RASGEF1B: variants seen among roughly 807,000 people sequenced by gnomAD.
The protein encoded by RASGEF1B is RasGEF domain family member 1B.
A neutral mutation model predicts 65.7 loss-of-function variants in RASGEF1B; 30 were observed. The ratio of observed to expected loss-of-function variants is 0.46; its 90% confidence interval spans 0.34 to 0.62. The LOEUF is 0.62. RASGEF1B is among the 20% of genes least tolerant of loss of function. RASGEF1B has a pLI of 0.01. For missense variants in RASGEF1B, 495 were observed against 580.1 expected, an observed-to-expected ratio of 0.85 and a Z score of 1.51; for synonymous variants, 175 against 194.8, an observed-to-expected ratio of 0.90 and a Z score of 0.85.
intron 10 of RASGEF1B, among the ~76,000 whole-genome samples, chr4:81,438,430 G>A (rs1302471797): frequency 1.3e-5 from 2 of 152,224 alleles, no homozygotes; most frequent in African/African-American, 4.8e-5. Flanking sequence ...GATTACAGGC[G>A]TGGGCCACCA....
chr4:81,442,185 T>C lies in RASGEF1B; in HGVS notation c.1008+112A>G, dbSNP rs1026360016. Reference sequence around the variant, plus strand: ...TTTCCTTTCCCTGGGTCTGTAAAGATAGATGGGCTTTTTCCTCTGTCGTAG... The same window carrying C: ...TTTCCTTTCCCTGGGTCTGTAAAGACAGATGGGCTTTTTCCTCTGTCGTAG... On this transcript the variant is annotated intron_variant, in intron 9 of 13. Transcript: ENST00000264400. 4.1e-6 allele frequency: 3 copies of C among 739,514 alleles called. No homozygotes were observed. The Admixed American group carries it at 6.6e-5, about 16-fold the overall frequency. 45.8% of individuals were successfully genotyped at this position (739,514 alleles called of 1,614,324 possible).
chr4:81,466,738 G>A (rs1346495571), intron 1 of RASGEF1B, among the ~76,000 whole-genome samples: 9 of 107,062 alleles, frequency 8.4e-5, no homozygotes, highest in Middle Eastern at 5.6e-3. Context: ...CAGCCTGGGC[G>A]ACAGAGCAAG....
At position 81,440,829 on chromosome 4, in the gene RASGEF1B, C is replaced by T. The variant is rs771710269; in HGVS notation, c.1104+5G>A. On this transcript the variant is annotated splice_donor_5th_base_variant and intron_variant, in intron 10 of 13. Coordinates refer to ENST00000264400, the MANE Select transcript of RASGEF1B (RefSeq NM_152545.3). ...CATAAGAAAGATACTTCTTTAAGTG[C>T]ATACCTTTTCTCTACTACTATGAGC... 5 of 1,571,346 alleles carry T rather than the reference C, an allele frequency of 3.2e-6. No individual in the cohort carries two copies. Among genetic ancestry groups the T allele is most frequent in the Non-Finnish European group, 4.4e-6 (5 of 1,143,514 alleles).
intron 1 of RASGEF1B, among the ~76,000 whole-genome samples, chr4:81,465,315 C>T (rs1190539170): frequency 2.0e-5 from 3 of 151,950 alleles, no homozygotes; most frequent in East Asian, 1.9e-4. Flanking sequence ...ATGAAACAGG[C>T]GAAAAGAAAG....
At chr4:81,447,854 G>T (rs1229397366) in intron 5 of RASGEF1B, among the ~76,000 whole-genome samples, 1 of 152,098 alleles carries the variant, frequency 6.6e-6, no homozygotes, top group East Asian at 1.9e-4. Context: ...TTGCTCTTCA[G>T]CCTTGTTTAG....
At chr4:81,440,537 T>C (rs1721798115) in intron 10 of RASGEF1B, among the ~76,000 whole-genome samples, 1 of 152,196 alleles carries the variant, frequency 6.6e-6, no homozygotes. Flanking sequence ...ACTAAATTAC[T>C]CTCTAATGCT....
At chr4:81,445,460 T>C (rs1721983392) in intron 8 of RASGEF1B, 66 bp downstream of exon 8, 23 of 1,148,430 alleles carry the variant, frequency 2.0e-5, no homozygotes, top group Non-Finnish European at 2.9e-5. Flanking sequence ...TATTTGCACA[T>C]TTTCTGTGGG....
chr4:81,444,548 T>C (rs1442374853), intron 8 of RASGEF1B, among the ~76,000 whole-genome samples: 1 of 150,984 alleles, frequency 6.6e-6, no homozygotes, highest in African/African-American at 2.4e-5. Flanking sequence ...TTCTTCTTCC[T>C]TTTTTTTTAG....
In RASGEF1B at chr4:81,433,936, T is replaced by G; in HGVS notation, c.1228A>C (p.Ser410Arg). Residue 410 changes from serine (S) to arginine (R), a missense_variant, in exon 12 of 14, where the codon AGT becomes CGT. Transcript: ENST00000264400. ...ACTTGTTTCCATGTCATAAATTCAC[T>G]CACTTGTTTGGCCAGTTCCCAAAAT... ...EKFWELAKQV[S>R]EFMTWKQVEC... is the part of the protein sequence containing the mutation. The G allele has an allele frequency of 6.2e-7, 1 of 1,613,932 alleles. No homozygotes were observed. Among genetic ancestry groups the G allele is most frequent in the Non-Finnish European group, 8.5e-7 (1 of 1,179,898 alleles).
At chr4:81,435,142 T>C (rs1239522023) in intron 10 of RASGEF1B, among the ~76,000 whole-genome samples, 1 of 152,216 alleles carries the variant, frequency 6.6e-6, no homozygotes, top group South Asian at 2.1e-4. Context: ...CCGGGCACGG[T>C]GGCTCACGCC....
intron 3 of RASGEF1B, among the ~76,000 whole-genome samples, chr4:81,457,176 C>T (rs1722475704): frequency 6.6e-6 from 1 of 152,058 alleles, no homozygotes; most frequent in African/African-American, 2.4e-5. Flanking sequence ...GCCACCAGGG[C>T]CAGCTAATTT....
Position 81,427,037 on chromosome 4 carries a change from A to G in RASGEF1B, c.*731T>C, listed in dbSNP as rs1401615671. 6.6e-6 allele frequency: 1 copy of G among 151,432 alleles called. No homozygotes were observed. The highest frequency in any genetic ancestry group is 1.5e-5 in the Non-Finnish European group (1 of 67,804). 9.4% of individuals were successfully genotyped at this position (151,432 alleles called of 1,614,324 possible). A position where few individuals can be genotyped will look rare whatever the true frequency, so the allele number is the denominator to read the frequency against. ...TCCTTCTAGCATGTTAAGCAGTCCA[A>G]TGACAAACTCTGCTTTTTATTTTCT... On this transcript the variant is annotated 3_prime_UTR_variant, in exon 14 of 14. Transcript: ENST00000264400.
Position 81,445,558 on chromosome 4 carries a change from A to C in RASGEF1B, c.896T>G (p.Ile299Ser). 6.2e-7 allele frequency: 1 copy of C among 1,613,822 alleles called. No homozygotes were observed. The highest frequency in any genetic ancestry group is 8.5e-7 in the Non-Finnish European group (1 of 1,179,738). The change falls in exon 8 of 14, where the codon ATT (isoleucine) becomes AGT (serine). Residue 299 changes from isoleucine (I) to serine (S), a missense_variant. Physicochemically the swap from Ile to Ser is moderately radical, Grantham distance 142. Coordinates refer to ENST00000264400, the MANE Select transcript of RASGEF1B (RefSeq NM_152545.3). ...CGCCATCAAGGAGTTGAAGTTGCCA[A>C]TGTTAAAACACTCCCGAGCTACGTC... ...FIDVARECFN[I>S]GNFNSLMAII...
intron 10 of RASGEF1B, among the ~76,000 whole-genome samples, chr4:81,435,666 A>G (rs373521731): frequency 0.028 from 4,199 of 147,658 alleles, 134 homozygotes; most frequent in African/African-American, 0.078. Context: ...TAGTAGAGAC[A>G]GGGTTTCACC....
chr4:81,466,570 T>C lies in RASGEF1B; in HGVS notation c.-7+5200A>G, dbSNP rs561329813. On this transcript the variant is annotated intron_variant, in intron 1 of 13. Coordinates refer to ENST00000264400, the MANE Select transcript of RASGEF1B (RefSeq NM_152545.3). ...GTCAGCAGATCGAGACCATCCTGGCTAACACGGTAAAACCCTGTCTCTACT... is the reference window on the plus strand; with the variant it reads ...GTCAGCAGATCGAGACCATCCTGGCCAACACGGTAAAACCCTGTCTCTACT... 3.9e-5 allele frequency among the ~76,000 whole-genome samples: 6 copies of C among 151,904 alleles called. No homozygotes were observed. In the South Asian group the frequency reaches 6.3e-4, roughly 16 times the overall value.
At chr4:81,434,320 G>A (rs931895123) in intron 11 of RASGEF1B, among the ~76,000 whole-genome samples, 1 of 152,094 alleles carries the variant, frequency 6.6e-6, no homozygotes, top group African/African-American at 2.4e-5. Flanking sequence ...TAACGCACTG[G>A]TATTACAGGC....
chr4:81,444,781 C>T (rs1022772514), intron 8 of RASGEF1B, among the ~76,000 whole-genome samples: 1 of 152,154 alleles, frequency 6.6e-6, no homozygotes, highest in Non-Finnish European at 1.5e-5. Flanking sequence ...GTGATCCACC[C>T]GCCTTGCCTC....
chr4:81,430,754 T>A (rs1414849250), intron 13 of RASGEF1B, among the ~76,000 whole-genome samples: 1 of 152,246 alleles, frequency 6.6e-6, no homozygotes, highest in African/African-American at 2.4e-5. Flanking sequence ...AATCTTTAGC[T>A]TTTAAAGTCA....
rs1560713816 is a variant in RASGEF1B, at chr4:81,466,817, A to AGAAAG, written c.-7+4948_-7+4952dup. On this transcript the variant is annotated intron_variant, in intron 1 of 13. Transcript: ENST00000264400. ...AAGAAAGAAAGAAAGAAAGAAAGAA[A>AGAAAG]GAAAGAAAATTTCCAGATTATCTTC... 1.3e-3 allele frequency among the ~76,000 whole-genome samples: 197 copies of AGAAAG among 149,724 alleles called. 2 individuals carry two copies. The highest frequency in any genetic ancestry group is 4.6e-3 in the African/African-American group (185 of 39,984).
Sources: allele counts gnomAD v4.1 joint callset (sites outside exome capture counted in the v4.1 genomes callset), GRCh38; gene constraint gnomAD v4.1.1; transcripts MANE v1.5; gene names NCBI Gene and HGNC (gene_info 2026-07-23, HGNC 2026-07-21).